RB1CC1: variants seen among roughly 807,000 people sequenced by gnomAD.
The protein encoded by RB1CC1 is RB1 inducible coiled-coil 1.
Under a neutral mutation model 177.5 loss-of-function variants are expected in RB1CC1, and 46 were observed. The ratio of observed to expected loss-of-function variants is 0.26; its 90% CI spans 0.20 to 0.33. The LOEUF is 0.33. Among genes scored for constraint, RB1CC1 ranks in the 10% least tolerant of loss-of-function variants. The probability of loss-of-function intolerance (pLI) is 1.00; values close to 1 mark genes in which losing one functional copy is unlikely to be tolerated. For missense variants in RB1CC1, 1,703 were observed against 1,816.3 expected (o/e 0.94, Z 1.13); for synonymous variants, 666 against 613.6 (o/e 1.09, Z -1.26).
chr8:52,632,808 T>G (rs1848860582), intron 20 of RB1CC1, among the ~76,000 whole-genome samples: 1 of 152,202 alleles, frequency 6.6e-6, no homozygotes, highest in Non-Finnish European at 1.5e-5. Context: ...ACCTCACAAT[T>G]TGCCCACAAG....
chr8:52,669,059 C>T (rs559540058), intron 7 of RB1CC1, among the ~76,000 whole-genome samples: 1 of 152,184 alleles, frequency 6.6e-6, no homozygotes, highest in Non-Finnish European at 1.5e-5. Flanking sequence ...CCCAAGTCTA[C>T]TTCAATCACT....
At chr8:52,659,478 C>T (rs1034619179) in intron 12 of RB1CC1, among the ~76,000 whole-genome samples, 4 of 151,814 alleles carry the variant, frequency 2.6e-5, no homozygotes, top group Non-Finnish European at 4.4e-5. Flanking sequence ...AAATATTAAC[C>T]GGTAAATCCT....
intron 15 of RB1CC1, among the ~76,000 whole-genome samples, chr8:52,652,760 A>C (rs1850723141): frequency 1.3e-5 from 2 of 152,128 alleles, no homozygotes; most frequent in South Asian, 2.1e-4. Flanking sequence ...CTGGACCTTT[A>C]AAAAACAAGT....
chr8:52,649,973 A>G (rs1850424144), intron 15 of RB1CC1, among the ~76,000 whole-genome samples: 1 of 152,184 alleles, frequency 6.6e-6, no homozygotes, highest in South Asian at 2.1e-4. Flanking sequence ...GGCCATTTGT[A>G]TTTCTTCTTT....
At chr8:52,655,429 A>G (rs1426757298) in intron 15 of RB1CC1, among the ~76,000 whole-genome samples, 1 of 152,160 alleles carries the variant, frequency 6.6e-6, no homozygotes, top group Non-Finnish European at 1.5e-5. Flanking sequence ...AAAAGGCAGT[A>G]ATATCAGACA....
At chr8:52,631,789 C>T (rs1196733909) in intron 20 of RB1CC1, among the ~76,000 whole-genome samples, 1 of 152,194 alleles carries the variant, frequency 6.6e-6, no homozygotes, top group East Asian at 1.9e-4. Context: ...GCATCATTCG[C>T]TCTAATAAAA....
Position 52,708,503 on chromosome 8 carries a change from C to A in RB1CC1, c.-167+5572G>T, listed in dbSNP as rs181128586. The stretch of plus-strand genomic sequence containing the variant: ...CTGCACTCCAGCCTGGGCAACAGAG[C>A]GAGACTCGTCTCAAAAACAAACAAA... On this transcript the variant is annotated intron_variant, in intron 1 of 23. Coordinates refer to ENST00000025008, the MANE Select transcript of RB1CC1 (RefSeq NM_014781.5). Among the ~76,000 whole-genome samples, 11 of 151,596 alleles carry A rather than the reference C, an allele frequency of 7.3e-5. No homozygotes were observed. The East Asian group carries it at 2.1e-3, about 30-fold the overall frequency.
chr8:52,686,529 G>C lies in RB1CC1; in HGVS notation c.-52+324C>G, dbSNP rs570630369. On this transcript the variant is annotated intron_variant, in intron 2 of 23. Coordinates refer to ENST00000025008, the MANE Select transcript of RB1CC1 (RefSeq NM_014781.5). ...CCACTGCACTCCAGCCTGGGCAACA[G>C]AGAAAGGCCCTATCTCAAAAGAAAA... is the stretch of plus-strand genomic sequence containing the variant. 5.3e-5 allele frequency among the ~76,000 whole-genome samples: 8 copies of C among 152,246 alleles called. No individual in the cohort carries two copies. In the South Asian group the frequency reaches 1.7e-3, roughly 32 times the overall value.
At position 52,656,490 on chromosome 8, in the gene RB1CC1, A is replaced by C. The variant is rs1433173564; in HGVS notation, c.3339T>G (p.Asp1113Glu). 1 of 1,611,308 alleles carries C rather than the reference A, an allele frequency of 6.2e-7. No homozygotes were observed. The highest frequency in any genetic ancestry group is 8.5e-7 in the Non-Finnish European group (1 of 1,179,726). The change falls in exon 15 of 24, where the codon GAT becomes GAG. Residue 1113 changes from aspartate to glutamate, a missense_variant. By Grantham distance (45) the Asp-to-Glu change is conservative. Transcript: ENST00000025008. ...AGCCCACCTGATAATTTTCATTATT[A>C]TCCTGAATCTTTTGGTTGAGTTTAC... ...EISKLNQKIQ[D>E]NNENYQVGLA... is the part of the protein sequence containing the mutation.
chr8:52,689,199 CTTTAA>C (rs1446790309), intron 1 of RB1CC1, among the ~76,000 whole-genome samples: 4 of 152,178 alleles, frequency 2.6e-5, no homozygotes, highest in South Asian at 4.1e-4. Context: ...AATCTCCTTG[CTTTAA>C]TTTTTCATTT....
chr8:52,631,500 T>G (rs1848752724), intron 20 of RB1CC1, among the ~76,000 whole-genome samples: 1 of 152,180 alleles, frequency 6.6e-6, no homozygotes, highest in Admixed American at 6.5e-5. Flanking sequence ...AATTAAACTT[T>G]CCTAGCATGT....
rs1452224369 is a variant in RB1CC1, at chr8:52,622,925, G to T, written c.*857C>A. 1 of 152,010 alleles carries T rather than the reference G, an allele frequency of 6.6e-6. No individual in the cohort carries two copies. The highest frequency in any genetic ancestry group is 6.6e-5 in the Admixed American group (1 of 15,216). The allele number at this position is 152,010 out of a possible 1,614,324, so 9.4% of individuals were successfully genotyped here. On this transcript the variant is annotated 3_prime_UTR_variant, in exon 24 of 24. Coordinates refer to ENST00000025008, the MANE Select transcript of RB1CC1 (RefSeq NM_014781.5). ...ATCTTTATTGTTTTAAAATTGTACA[G>T]TTCTTTTACAATACAATATTTTGTT...
chr8:52,657,595 A>G lies in RB1CC1; in HGVS notation c.2234T>C (p.Leu745Ser). Reference sequence around the variant, plus strand: ...ATCACTTATAGGATTAGGAGACGACAAATTTTCTTCTATTACAAACTCATT... The same window carrying G: ...ATCACTTATAGGATTAGGAGACGACGAATTTTCTTCTATTACAAACTCATT... ...AVNEFVIEEN[L>S]SSPNPISDPQ... The change falls in exon 15 of 24, where the codon TTG (leucine) becomes TCG (serine). Residue 745 changes from leucine (L) to serine (S), a missense_variant. Leu to Ser is a moderately radical substitution (Grantham distance 145, BLOSUM62 -2). Around this residue, in one of 6 missense-constraint regions of RB1CC1, gnomAD observed 1,169 missense variants for 1,184.7 expected, o/e 0.99. Transcript: ENST00000025008. The G allele has an allele frequency of 2.5e-6, 4 of 1,614,114 alleles. No homozygotes were observed. Among genetic ancestry groups the G allele is most frequent in the Non-Finnish European group, 3.4e-6 (4 of 1,180,022 alleles).
intron 18 of RB1CC1, among the ~76,000 whole-genome samples, chr8:52,638,190 A>T (rs1247997637): frequency 6.6e-6 from 1 of 152,130 alleles, no homozygotes; most frequent in Admixed American, 6.5e-5. Flanking sequence ...TTTATGATGA[A>T]AGGCTGTTGG....
At chr8:52,665,757 G>C (rs1320533519) in intron 8 of RB1CC1, among the ~76,000 whole-genome samples, 1 of 152,128 alleles carries the variant, frequency 6.6e-6, no homozygotes, top group East Asian at 1.9e-4. Context: ...TCCAGGAGAA[G>C]AACGAAACCA....
chr8:52,714,221 C>T lies in RB1CC1; in HGVS notation c.-313G>A, dbSNP rs931260968. On this transcript the variant is annotated 5_prime_UTR_variant, in exon 1 of 24. Transcript: ENST00000025008. ...ACACAACCGCCGGCGTCCCGGGCGC[C>T]CGCCCGCCGCGGCCCCGAACTCTAG... is the stretch of plus-strand genomic sequence containing the variant. 4 of 222,106 alleles carry T rather than the reference C, an allele frequency of 1.8e-5. No individual in the cohort carries two copies. The highest frequency in any genetic ancestry group is 7.8e-5 in the South Asian group (2 of 25,678). 13.8% of individuals were successfully genotyped at this position (222,106 alleles called of 1,614,324 possible).
At chr8:52,688,142 G>T (rs976407000) in intron 1 of RB1CC1, among the ~76,000 whole-genome samples, 3 of 152,148 alleles carry the variant, frequency 2.0e-5, no homozygotes. Context: ...TGTAAAACAT[G>T]TGTGTTTGAA....
At chr8:52,703,798 C>G (rs1856312838) in intron 1 of RB1CC1, among the ~76,000 whole-genome samples, 1 of 152,108 alleles carries the variant, frequency 6.6e-6, no homozygotes, top group Non-Finnish European at 1.5e-5. Context: ...ACATATCATA[C>G]CTCAATACCT....
Position 52,660,976 on chromosome 8 carries a change from C to A in RB1CC1, c.1577G>T (p.Arg526Ile), listed in dbSNP as rs1187355003. Residue 526 changes from arginine (R) to isoleucine (I), a missense_variant, in exon 11 of 24, where the codon AGA (arginine) becomes ATA (isoleucine). Arg to Ile is a moderately conservative substitution (Grantham distance 97, BLOSUM62 -3). Transcript: ENST00000025008. Reference sequence around the variant, plus strand: ...TTTTGATTTTTCTGCTTCATATAATCTCTTTCCATCTTTGACTAAAGCACC... The same window carrying A: ...TTTTGATTTTTCTGCTTCATATAATATCTTTCCATCTTTGACTAAAGCACC... ...WAGALVKDGK[R>I]LYEAEKSKRE... is the part of the protein sequence containing the mutation. 1 of 1,613,276 alleles carries A rather than the reference C, an allele frequency of 6.2e-7. No homozygotes were observed. Among genetic ancestry groups the A allele is most frequent in the East Asian group, 2.2e-5 (1 of 44,816 alleles).
Sources: gnomAD v4.1 joint callset for allele counts (sites outside exome capture counted in the v4.1 genomes callset) on GRCh38, gnomAD v4.1.1 for gene constraint, gnomAD v4.1.1 regional missense constraint, MANE v1.5 for transcripts, NCBI Gene and HGNC (gene_info 2026-07-23, HGNC 2026-07-21) for gene names.